SDK1: variants seen among roughly 807,000 people sequenced by gnomAD.
The protein encoded by SDK1 is protein sidekick-1.
In SDK1, 157 loss-of-function variants were observed where a neutral mutation model predicts 245.5. That is an observed-to-expected ratio of 0.64 (90% CI 0.56 to 0.73). The LOEUF is 0.73. SDK1 is among the 30% of genes least tolerant of loss of function. The pLI, the probability that SDK1 is intolerant of heterozygous loss-of-function variation, is 0.00. For missense variants in SDK1, 3,583 were observed against 3,002.3 expected, an observed-to-expected ratio of 1.19 and a Z score of -4.52; for synonymous variants, 1,647 against 1,278.5, an observed-to-expected ratio of 1.29 and a Z score of -6.15.
chr7:4,073,426 T>C (rs1780391376), intron 20 of SDK1, among the ~76,000 whole-genome samples: 1 of 152,248 alleles, frequency 6.6e-6, no homozygotes, highest in African/African-American at 2.4e-5. Context: ...GAGCACACTA[T>C]ATTATCAATG....
intron 4 of SDK1, among the ~76,000 whole-genome samples, chr7:3,674,506 C>G (rs59364427): frequency 0.36 from 55,150 of 151,828 alleles, 10,945 homozygotes; most frequent in African/African-American, 0.52. Context: ...ACAGAAAGCA[C>G]AATGGAAGTG....
intron 1 of SDK1, among the ~76,000 whole-genome samples, chr7:3,478,089 T>A (rs572680225): frequency 1.6e-3 from 245 of 152,328 alleles, no homozygotes; most frequent in African/African-American, 5.6e-3. Flanking sequence ...AATCTGTCTT[T>A]AAATCACTGT....
chr7:4,218,642 C>T (rs1311092016), intron 38 of SDK1, among the ~76,000 whole-genome samples: 4 of 152,104 alleles, frequency 2.6e-5, no homozygotes, highest in African/African-American at 9.7e-5. Context: ...CAGCGCACGA[C>T]CCTCCCGCAC....
rs538836731 is a variant in SDK1 at position 4,132,317 on chromosome 7, C to G, written c.4130-8C>G. 6.2e-7 allele frequency: 1 copy of G among 1,603,172 alleles called. No individual in the cohort carries two copies. Reference sequence around the variant, plus strand: ...TGAGATCTGAATCCCTGTGGTTTTTCCCTTCAGCCCCAGGCCCACCAGTGA... The same window carrying G: ...TGAGATCTGAATCCCTGTGGTTTTTGCCTTCAGCCCCAGGCCCACCAGTGA... On this transcript the variant is annotated splice_polypyrimidine_tract_variant and splice_region_variant and intron_variant, in intron 27 of 44. Coordinates refer to ENST00000404826, the MANE Select transcript of SDK1 (RefSeq NM_152744.4).
rs1278801867 is a variant in SDK1 at position 3,319,179 on chromosome 7, TAGAAACTGGA to T, written c.298+17300_298+17309del. ...GTGGAAAATAGAAAAATGTGGTGTG[TAGAAACTGGA>T]AGAACTGTCTCCCTGGGTTATTTTA... On this transcript the variant is annotated intron_variant, in intron 1 of 44. Coordinates refer to ENST00000404826, the MANE Select transcript of SDK1 (RefSeq NM_152744.4). 2.6e-5 allele frequency among the ~76,000 whole-genome samples: 4 copies of T among 152,274 alleles called. No homozygotes were observed. The South Asian group carries it at 8.3e-4, about 32-fold the overall frequency.
intron 38 of SDK1, among the ~76,000 whole-genome samples, chr7:4,210,991 G>A (rs144246853): frequency 5.0e-4 from 76 of 152,312 alleles, no homozygotes; most frequent in Middle Eastern, 6.8e-3. Flanking sequence ...GCCCACGGTG[G>A]GCAGAGCTTG....
chr7:4,023,367 C>G (rs982280849), intron 17 of SDK1, among the ~76,000 whole-genome samples: 1 of 152,086 alleles, frequency 6.6e-6, no homozygotes, highest in African/African-American at 2.4e-5. Flanking sequence ...CAGCAAAGCT[C>G]TAATACAGTT....
intron 5 of SDK1, among the ~76,000 whole-genome samples, chr7:3,903,511 A>G (rs905566855): frequency 6.6e-6 from 1 of 152,050 alleles, no homozygotes; most frequent in Admixed American, 6.6e-5. Context: ...TAACCCTTAT[A>G]CATTGTTTAT....
chr7:3,645,565 T>C (rs553623390), intron 4 of SDK1, among the ~76,000 whole-genome samples: 1 of 152,378 alleles, frequency 6.6e-6, no homozygotes, highest in South Asian at 2.1e-4. Flanking sequence ...TGATCACATG[T>C]ACCCTGAAAC....
At chr7:4,005,595 G>A (rs1490461606) in intron 14 of SDK1, among the ~76,000 whole-genome samples, 2 of 152,068 alleles carry the variant, frequency 1.3e-5, no homozygotes, top group Non-Finnish European at 2.9e-5. Flanking sequence ...CTGAGTCTTG[G>A]TTTCCTGGAG....
At chr7:3,429,587 C>T (rs1417245892) in intron 1 of SDK1, among the ~76,000 whole-genome samples, 1 of 149,988 alleles carries the variant, frequency 6.7e-6, no homozygotes, top group Non-Finnish European at 1.5e-5. Context: ...ACCCAGTCCA[C>T]ACTGCAAAAG....
intron 4 of SDK1, among the ~76,000 whole-genome samples, chr7:3,796,519 T>TC (rs58289622): frequency 2.5e-3 from 373 of 151,672 alleles, no homozygotes; most frequent in Non-Finnish European, 3.9e-3. Context: ...AATGCCCCTC[T>TC]CCCCCCCAGC....
intron 5 of SDK1, among the ~76,000 whole-genome samples, chr7:3,841,630 A>C (rs1440604207): frequency 6.6e-6 from 1 of 151,474 alleles, no homozygotes; most frequent in African/African-American, 2.4e-5. Context: ...GCAGTGGCGC[A>C]ATCTCGGCTC....
rs371544471 is a variant in SDK1 at position 4,205,882 on chromosome 7, C to T, written c.5102C>T (p.Pro1701Leu). Residue 1701 changes from proline (P) to leucine (L), a missense_variant, in exon 36 of 45, where the codon CCG becomes CTG. By Grantham distance (98) the Pro-to-Leu change is moderately conservative (BLOSUM62 -3). Coordinates refer to ENST00000404826, the MANE Select transcript of SDK1 (RefSeq NM_152744.4). ...PVEVFVGEAA[P>L]AMAPQNVQVT... ...CTCCGCATTGCTCTTTCCTCAGCCC[C>T]GGCCATGGCCCCGCAGAACGTGCAG... 45 of 1,552,756 alleles carry T rather than the reference C, an allele frequency of 2.9e-5. No individual in the cohort carries two copies. The highest frequency in any genetic ancestry group is 7.1e-5 in the South Asian group (6 of 84,178).
intron 30 of SDK1, among the ~76,000 whole-genome samples, chr7:4,150,686 C>G (rs1163447995): frequency 2.0e-5 from 3 of 152,242 alleles, no homozygotes; most frequent in Non-Finnish European, 4.4e-5. Context: ...GGCAGCTCCT[C>G]AGAACACCAC....
chr7:3,979,995 C>T (rs977605927), intron 13 of SDK1, among the ~76,000 whole-genome samples: 11 of 152,160 alleles, frequency 7.2e-5, no homozygotes, highest in African/African-American at 2.4e-4. Context: ...TTCTATAAAA[C>T]CAGTTCTGAC....
intron 14 of SDK1, among the ~76,000 whole-genome samples, chr7:4,010,008 A>G (rs190007367): frequency 3.9e-5 from 6 of 152,344 alleles, no homozygotes; most frequent in East Asian, 1.9e-4. Flanking sequence ...GCCCAACACT[A>G]TGGTGGAAAG....
intron 13 of SDK1, among the ~76,000 whole-genome samples, chr7:3,978,469 A>C (rs945919560): frequency 6.6e-6 from 1 of 152,238 alleles, no homozygotes; most frequent in African/African-American, 2.4e-5. Context: ...TTTGTGATTC[A>C]AACTAATTTA....
chr7:3,327,516 A>G (rs1224214955), intron 1 of SDK1, among the ~76,000 whole-genome samples: 1 of 152,156 alleles, frequency 6.6e-6, no homozygotes. Flanking sequence ...TCACATACCC[A>G]TCTCTCCAAA....
Sources: gnomAD v4.1 joint callset for allele counts (sites outside exome capture counted in the v4.1 genomes callset) on GRCh38, gnomAD v4.1.1 for gene constraint, MANE v1.5 for transcripts, NCBI Gene and HGNC (gene_info 2026-07-23, HGNC 2026-07-21) for gene names.